The following AMBP variants were observed in gnomAD, a reference collection of about 807,000 sequenced individuals.
AMBP encodes alpha-1-microglobulin/bikunin precursor, also known as protein AMBP.
Under a neutral mutation model 46.3 loss-of-function variants are expected in AMBP, and 37 were observed. The observed-to-expected ratio is 0.80, with a 90% CI of 0.61 to 1.05. The LOEUF is 1.05. AMBP is among the 50% of genes least tolerant of loss of function. The pLI is 0.00. For synonymous variants in AMBP, 174 were observed against 175.9 expected (o/e 0.99, Z 0.09); for missense variants, 475 against 461.2 (o/e 1.03, Z -0.27).
At chr9:114,069,617 G>A (rs531742816) in intron 6 of AMBP, 82 bp downstream of exon 6, 20 of 1,277,758 alleles carry the variant, frequency 1.6e-5, no homozygotes, top group African/African-American at 7.5e-5. Flanking sequence ...GCCTCCCCCC[G>A]CAGCAGGATC....
At chr9:114,071,056 G>A (rs576563159) in intron 5 of AMBP, among the ~76,000 whole-genome samples, 1 of 152,304 alleles carries the variant, frequency 6.6e-6, no homozygotes, top group African/African-American at 2.4e-5. Flanking sequence ...GGCTGCAAAG[G>A]GGTGTGGCTG....
In AMBP at chr9:114,062,867, T is replaced by C. The variant is rs1275915183; in HGVS notation, c.604-109A>G. On this transcript the variant is annotated intron_variant, in intron 6 of 9. Transcript: ENST00000265132. ...AACTTGCTTTGGGAATCAGGGTAGGTAGGAACACAGCTCTTAGACTGGTTA... is the reference window on the plus strand; with the variant it reads ...AACTTGCTTTGGGAATCAGGGTAGGCAGGAACACAGCTCTTAGACTGGTTA... The C allele has an allele frequency of 2.8e-6, 3 of 1,083,626 alleles. No homozygotes were observed. The African/African-American group carries it at 4.6e-5, about 17-fold the overall frequency. The allele number at this position is 1,083,626 out of a possible 1,614,324, so 67.1% of individuals were successfully genotyped here.
At chr9:114,078,013 G>T in intron 1 of AMBP, 80 bp downstream of exon 1, 1 of 1,411,458 alleles carries the variant, frequency 7.1e-7, no homozygotes. Context: ...CCCGAGACAG[G>T]CCGCACTTGC....
chr9:114,065,878 C>A (rs1846688464), intron 6 of AMBP, among the ~76,000 whole-genome samples: 2 of 152,158 alleles, frequency 1.3e-5, no homozygotes, highest in African/African-American at 4.8e-5. Context: ...CCCAAACCCA[C>A]CTCAGAAGTG....
intron 6 of AMBP, among the ~76,000 whole-genome samples, chr9:114,067,306 T>C (rs1221535613): frequency 6.6e-6 from 1 of 152,102 alleles, no homozygotes; most frequent in East Asian, 1.9e-4. Flanking sequence ...GGCACAATCA[T>C]AGCTCACTGT....
rs144781756 is a variant in AMBP at position 114,075,744 on chromosome 9, C to T, written c.261-708G>A. On this transcript the variant is annotated intron_variant, in intron 2 of 9. Coordinates refer to ENST00000265132, the MANE Select transcript of AMBP (RefSeq NM_001633.4). ...ATGGGGGTAAGTGTGAGGTCCTCTT[C>T]GGGCACAAAGAAGGGCATGTAACCT... Among the ~76,000 whole-genome samples, 117 of 152,178 alleles carry T rather than the reference C, an allele frequency of 7.7e-4. 1 individual carries two copies. The highest frequency in any genetic ancestry group is 2.5e-3 in the East Asian group (13 of 5,178).
Position 114,076,729 on chromosome 9 carries a change from C to T in AMBP, c.129G>A (p.Lys43=), listed in dbSNP as rs1291861534. ...ENFNISRIYG[K]WYNLAIGSTC... ...TGGAACCGATGGCCAGGTTGTACCA[C>T]TTCCCATAGATCTAGGAGGCAGGTG... Residue 43 remains lysine, a synonymous_variant, in exon 2 of 10, where the codon AAG becomes AAA. Coordinates refer to ENST00000265132, the MANE Select transcript of AMBP (RefSeq NM_001633.4). 6.2e-7 allele frequency: 1 copy of T among 1,613,916 alleles called. No homozygotes were observed. The highest frequency in any genetic ancestry group is 8.5e-7 in the Non-Finnish European group (1 of 1,179,972).
In AMBP at chr9:114,061,078, C is replaced by T; in HGVS notation, c.874G>A (p.Val292Ile). ...RTVAACNLPI[V>I]RGPCRAFIQL... ...ATGAAGGCTCGGCAGGGGCCCCGGA[C>T]TATGGGGAGATTGCAGGCCGCTGTG... The change falls in exon 9 of 10, where the codon GTC becomes ATC. Residue 292 changes from valine (V) to isoleucine (I), a missense_variant. Around this residue, in one of 3 missense-constraint regions of AMBP, gnomAD observed 293 missense variants for 276.9 expected, o/e 1.06. Coordinates refer to ENST00000265132, the MANE Select transcript of AMBP (RefSeq NM_001633.4). 1 of 1,614,132 alleles carries T rather than the reference C, an allele frequency of 6.2e-7. No individual in the cohort carries two copies. Among genetic ancestry groups the T allele is most frequent in the East Asian group, 2.2e-5 (1 of 44,876 alleles).
intron 9 of AMBP, 148 bp downstream of exon 9, chr9:114,060,777 G>T: frequency 1.0e-6 from 1 of 970,098 alleles, no homozygotes; most frequent in Non-Finnish European, 1.5e-6. Context: ...AAGGCCCCAG[G>T]CTCAGCCCCA....
intron 3 of AMBP, among the ~76,000 whole-genome samples, chr9:114,074,430 C>G (rs760077911): frequency 2.0e-5 from 3 of 152,194 alleles, no homozygotes; most frequent in Non-Finnish European, 2.9e-5. Context: ...CCCTATCACT[C>G]CATCAATTTA....
intron 5 of AMBP, among the ~76,000 whole-genome samples, chr9:114,070,241 C>T (rs1403066956): frequency 2.0e-5 from 3 of 152,168 alleles, no homozygotes; most frequent in Non-Finnish European, 4.4e-5. Flanking sequence ...ACACTGGCTG[C>T]AGTGGGGAGG....
chr9:114,062,244 GTGTT>G (rs1466908478), intron 7 of AMBP, among the ~76,000 whole-genome samples: 1 of 152,212 alleles, frequency 6.6e-6, no homozygotes, highest in African/African-American at 2.4e-5. Context: ...GCAGGGTTCA[GTGTT>G]TGTTTGCTGA....
At chr9:114,077,445 A>G (rs1017978601) in intron 1 of AMBP, 6 of 152,982 alleles carry the variant, frequency 3.9e-5, no homozygotes, top group African/African-American at 1.2e-4. Flanking sequence ...TCTCAAAGCC[A>G]CCCCGGGATT....
chr9:114,069,712 G>C lies in AMBP; in HGVS notation c.590C>G (p.Pro197Arg). Reference sequence around the variant, plus strand: ...TGAGGCACTCACCGGGATTAAGATGGGCTCTGGTTCCTGCTCCCCAGGGAC... The same window carrying C: ...TGAGGCACTCACCGGGATTAAGATGCGCTCTGGTTCCTGCTCCCCAGGGAC... ...ECVPGEQEPE[P>R]ILIPRVRRAV... The change falls in exon 6 of 10, where the codon CCC (proline) becomes CGC (arginine). Residue 197 changes from proline to arginine, a missense_variant. By Grantham distance (103) the Pro-to-Arg change is moderately radical. Transcript: ENST00000265132. The C allele has an allele frequency of 6.2e-7, 1 of 1,613,810 alleles. No homozygotes were observed. The highest frequency in any genetic ancestry group is 8.5e-7 in the Non-Finnish European group (1 of 1,179,986).
chr9:114,071,872 A>T (rs1381922923), intron 5 of AMBP, among the ~76,000 whole-genome samples: 1 of 152,172 alleles, frequency 6.6e-6, no homozygotes, highest in African/African-American at 2.4e-5. Context: ...GGAGCTTCCC[A>T]TTCCAGGGTC....
At chr9:114,060,817 G>A (rs1307812430) in intron 9 of AMBP, 108 bp downstream of exon 9, 25 of 1,282,030 alleles carry the variant, frequency 2.0e-5, no homozygotes, top group East Asian at 7.1e-5. Flanking sequence ...TGCTTACCAG[G>A]TACAGAGTCC....
intron 2 of AMBP, 40 bp from the exon 3 acceptor site, chr9:114,075,076 G>A: frequency 1.3e-6 from 2 of 1,566,930 alleles, no homozygotes; most frequent in Non-Finnish European, 1.8e-6. Flanking sequence ...ACTCCTGGTA[G>A]AGATCATGGT....
intron 6 of AMBP, among the ~76,000 whole-genome samples, chr9:114,066,741 T>G (rs1846698667): frequency 6.6e-6 from 1 of 151,948 alleles, no homozygotes; most frequent in Non-Finnish European, 1.5e-5. Flanking sequence ...GACAAAGAGA[T>G]GAAAGCGACT....
intron 6 of AMBP, among the ~76,000 whole-genome samples, chr9:114,065,749 A>G (rs534567200): frequency 6.6e-6 from 1 of 152,004 alleles, no homozygotes; most frequent in Non-Finnish European, 1.5e-5. Context: ...ATTGGGCTCA[A>G]ATTTGATGGG....
Sources: gnomAD v4.1 joint callset for allele counts (sites outside exome capture counted in the v4.1 genomes callset) on GRCh38, gnomAD v4.1.1 for gene constraint, gnomAD v4.1.1 regional missense constraint, MANE v1.5 for transcripts, NCBI Gene and HGNC (gene_info 2026-07-23, HGNC 2026-07-21) for gene names.